The following CTNND2 variants were observed in gnomAD, a reference collection of about 807,000 sequenced individuals.
CTNND2 encodes the protein catenin delta-2.
A neutral mutation model predicts 144.4 loss-of-function variants in CTNND2; 22 were observed. The observed-to-expected ratio is 0.15, with a 90% CI of 0.11 to 0.22. CTNND2 has a LOEUF of 0.22. Among genes scored for constraint, CTNND2 ranks in the 10% least tolerant of loss-of-function variants. CTNND2 has a pLI of 1.00. For missense variants in CTNND2, 1,353 were observed against 1,618.8 expected, an observed-to-expected ratio of 0.84 and a Z score of 2.82; for synonymous variants, 751 against 695.6, an observed-to-expected ratio of 1.08 and a Z score of -1.25.
In CTNND2 at chr5:11,565,049, T is replaced by C. The variant is rs757588879; in HGVS notation, c.182A>G (p.Gln61Arg). 6.2e-6 allele frequency: 10 copies of C among 1,612,426 alleles called. No homozygotes were observed. The South Asian group carries it at 1.1e-4, about 18-fold the overall frequency. The change falls in exon 3 of 22, where the codon CAG (glutamine) becomes CGG (arginine). Residue 61 changes from glutamine (Q) to arginine (R), a missense_variant. Gln to Arg is a conservative substitution (Grantham distance 43). Transcript: ENST00000304623. ...ILASVKEQEL[Q>R]FERLTRELEA... is the part of the protein sequence containing the mutation. ...CAGCTCTCGGGTCAGCCTTTCAAACTGTAATTCCTGAAAGAAACCCATCAA... is the reference window on the plus strand; with the variant it reads ...CAGCTCTCGGGTCAGCCTTTCAAACCGTAATTCCTGAAAGAAACCCATCAA...
intron 9 of CTNND2, among the ~76,000 whole-genome samples, chr5:11,267,486 G>C (rs1309790250): frequency 1.3e-5 from 2 of 152,198 alleles, no homozygotes; most frequent in Non-Finnish European, 2.9e-5. Context: ...CTGGGACACA[G>C]ATAAATGAGC....
rs539370796 is a variant in CTNND2, at chr5:11,669,988, T to C, written c.174+62148A>G. Among the ~76,000 whole-genome samples the C allele has an allele frequency of 6.6e-5, 10 of 152,360 alleles. No homozygotes were observed. In the South Asian group the frequency reaches 1.2e-3, roughly 19 times the overall value. ...TGGTTTCAAAGAACATCTTTATTTA[T>C]GCCTTCATTTCATTAATTGCTCAGT... On this transcript the variant is annotated intron_variant, in intron 2 of 21. Coordinates refer to ENST00000304623, the MANE Select transcript of CTNND2 (RefSeq NM_001332.4).
intron 16 of CTNND2, among the ~76,000 whole-genome samples, chr5:11,054,999 G>A (rs186378366): frequency 6.3e-4 from 96 of 152,254 alleles, no homozygotes; most frequent in Admixed American, 1.0e-3. Context: ...TCTGTCCCTG[G>A]CTGAAGCTGA....
At chr5:11,577,207 T>A (rs1778039503) in intron 2 of CTNND2, among the ~76,000 whole-genome samples, 1 of 152,206 alleles carries the variant, frequency 6.6e-6, no homozygotes, top group African/African-American at 2.4e-5. Flanking sequence ...AAATCAACAT[T>A]TATGGAATAA....
intron 9 of CTNND2, among the ~76,000 whole-genome samples, chr5:11,268,355 G>A (rs2149971112): frequency 6.6e-6 from 1 of 152,262 alleles, no homozygotes; most frequent in Non-Finnish European, 1.5e-5. Context: ...GGCTGAGGTG[G>A]GCAGATCACT....
intron 1 of CTNND2, among the ~76,000 whole-genome samples, chr5:11,787,175 A>C (rs1790881708): frequency 6.6e-6 from 1 of 152,152 alleles, no homozygotes; most frequent in Non-Finnish European, 1.5e-5. Context: ...AGTACCAATA[A>C]ATTTTCTTAA....
chr5:11,785,484 A>G (rs1386591045), intron 1 of CTNND2, among the ~76,000 whole-genome samples: 1 of 152,216 alleles, frequency 6.6e-6, no homozygotes, highest in East Asian at 1.9e-4. Flanking sequence ...AAGTGAATAA[A>G]ATATGAATTG....
intron 2 of CTNND2, among the ~76,000 whole-genome samples, chr5:11,721,403 T>C (rs1054073986): frequency 4.6e-5 from 7 of 152,064 alleles, no homozygotes; most frequent in African/African-American, 1.2e-4. Context: ...CCAGGCTACA[T>C]AGAATCGTAA....
intron 9 of CTNND2, among the ~76,000 whole-genome samples, chr5:11,344,369 G>T (rs1366112779): frequency 1.3e-5 from 2 of 151,118 alleles, no homozygotes; most frequent in Non-Finnish European, 2.9e-5. Flanking sequence ...TCCAGCCTGG[G>T]CGACAAAACG....
chr5:11,898,677 C>T (rs1308386931), intron 1 of CTNND2, among the ~76,000 whole-genome samples: 2 of 152,104 alleles, frequency 1.3e-5, no homozygotes, highest in Non-Finnish European at 2.9e-5. Context: ...ATAATTGGCT[C>T]ACCTGCTTAC....
At chr5:11,831,607 C>T (rs537271765) in intron 1 of CTNND2, among the ~76,000 whole-genome samples, 1 of 150,182 alleles carries the variant, frequency 6.7e-6, no homozygotes, top group African/African-American at 2.5e-5. Context: ...GCGGAGCTTG[C>T]AGTGAGCCGA....
chr5:11,197,995 T>C (rs1388663540), intron 11 of CTNND2, among the ~76,000 whole-genome samples: 1 of 152,214 alleles, frequency 6.6e-6, no homozygotes, highest in Non-Finnish European at 1.5e-5. Context: ...TCTCGTGGCT[T>C]CATGTATCTG....
At position 11,382,623 on chromosome 5, in the gene CTNND2, G is replaced by A. The variant is rs1282318795; in HGVS notation, c.1177+2042C>T. On this transcript the variant is annotated intron_variant, in intron 7 of 21. Coordinates refer to ENST00000304623, the MANE Select transcript of CTNND2 (RefSeq NM_001332.4). Reference sequence around the variant, plus strand: ...TGTGTGTGTGTGTGTGTGTGTGTGTGTGTGTGTGTGTGTGTGTGTGTGTAG... The same window carrying A: ...TGTGTGTGTGTGTGTGTGTGTGTGTATGTGTGTGTGTGTGTGTGTGTGTAG... Among the ~76,000 whole-genome samples the A allele has an allele frequency of 9.9e-5, 15 of 151,452 alleles. No homozygotes were observed. In the East Asian group the frequency reaches 2.9e-3, roughly 29 times the overall value.
chr5:10,988,305 C>T lies in CTNND2; in HGVS notation c.3212-63G>A. On this transcript the variant is annotated intron_variant, in intron 19 of 21. Coordinates refer to ENST00000304623, the MANE Select transcript of CTNND2 (RefSeq NM_001332.4). This position sits in a 1 kb window ranked among gnomAD's most constrained non-coding sequence, Gnocchi z 5.9. ...CATCCCACAGCGTGTGTGCCTTCCA[C>T]ACAGTCAGGGTCCTCACTATGCATG... 2 of 1,601,370 alleles carry T rather than the reference C, an allele frequency of 1.2e-6. No homozygotes were observed. The highest frequency in any genetic ancestry group is 8.5e-7 in the Non-Finnish European group (1 of 1,171,180).
intron 11 of CTNND2, among the ~76,000 whole-genome samples, chr5:11,168,916 T>C (rs1415213027): frequency 1.3e-5 from 2 of 152,158 alleles, no homozygotes; most frequent in Non-Finnish European, 1.5e-5. Flanking sequence ...ATCACCATAA[T>C]TTTTGGCCCT....
chr5:11,336,968 A>AT (rs1397091549), intron 9 of CTNND2, among the ~76,000 whole-genome samples: 2 of 152,046 alleles, frequency 1.3e-5, no homozygotes, highest in Non-Finnish European at 1.5e-5. Context: ...TGTCACCTGA[A>AT]TTTTTTTGGT....
chr5:11,387,822 T>G (rs58146311), intron 6 of CTNND2, among the ~76,000 whole-genome samples: 2,659 of 152,280 alleles, frequency 0.017, 71 homozygotes, highest in African/African-American at 0.062. Flanking sequence ...AGCATACCAA[T>G]GTAAATGAGA....
chr5:11,426,543 T>A (rs913541120), intron 3 of CTNND2, among the ~76,000 whole-genome samples: 2 of 152,202 alleles, frequency 1.3e-5, no homozygotes, highest in African/African-American at 4.8e-5. Flanking sequence ...CATTCCTCTG[T>A]TCCTTGCTGC....
intron 3 of CTNND2, among the ~76,000 whole-genome samples, chr5:11,465,631 C>T (rs1766602857): frequency 6.6e-6 from 1 of 152,142 alleles, no homozygotes; most frequent in African/African-American, 2.4e-5. Flanking sequence ...TACTGAAAAA[C>T]TCATAGCTAT....
Sources: allele counts gnomAD v4.1 joint callset (sites outside exome capture counted in the v4.1 genomes callset), GRCh38; gene constraint gnomAD v4.1.1; non-coding constraint Gnocchi (gnomAD v3.1); transcripts MANE v1.5; gene names NCBI Gene and HGNC (gene_info 2026-07-23, HGNC 2026-07-21).